Variants in RIMS2 observed in about 807,000 individuals in gnomAD.
RIMS2 encodes the protein regulating synaptic membrane exocytosis 2.
In RIMS2, 59 loss-of-function variants were observed where a neutral mutation model predicts 174.4. The ratio of observed to expected loss-of-function variants is 0.34; its 90% CI spans 0.27 to 0.42. The LOEUF (loss-of-function observed/expected upper bound fraction) is 0.42. RIMS2 is among the 10% of genes least tolerant of loss of function. RIMS2 has a pLI of 1.00. For missense variants in RIMS2, 1,620 were observed against 1,666.3 expected (o/e 0.97, Z 0.48); for synonymous variants, 606 against 572.5 (o/e 1.06, Z -0.84).
chr8:103,825,285 G>A (rs1362644444), intron 3 of RIMS2, among the ~76,000 whole-genome samples: 1 of 151,534 alleles, frequency 6.6e-6, no homozygotes, highest in African/African-American at 2.4e-5. Flanking sequence ...TTATTTGTTT[G>A]TTTTTATTTT....
Position 103,932,309 on chromosome 8 carries a change from A to G in RIMS2, c.2375+916A>G, listed in dbSNP as rs548519829. ...GTAGAAAGTCAAGGTTGAGTTGGGT[A>G]CCAAAGTGTCACCTGAACAACAATC... On this transcript the variant is annotated intron_variant, in intron 12 of 23. Coordinates refer to ENST00000504942, the Ensembl canonical transcript of RIMS2. Among the ~76,000 whole-genome samples the G allele has an allele frequency of 7.9e-5, 12 of 152,194 alleles. 1 individual carries two copies. The highest frequency in any genetic ancestry group is 1.6e-4 in the Non-Finnish European group (11 of 68,022).
At chr8:103,912,732 C>T (rs1046810859) in intron 6 of RIMS2, among the ~76,000 whole-genome samples, 4 of 151,926 alleles carry the variant, frequency 2.6e-5, no homozygotes, top group African/African-American at 9.7e-5. Context: ...TTATGTTTTA[C>T]AGTAAAATAC....
At chr8:103,517,480 T>C (rs1055295563) in intron 1 of RIMS2, among the ~76,000 whole-genome samples, 3 of 151,258 alleles carry the variant, frequency 2.0e-5, no homozygotes, top group Admixed American at 2.0e-4. Context: ...AGGACTGATA[T>C]TCAATTGACC....
At chr8:104,244,242 C>T (rs967420929) in intron 19 of RIMS2, among the ~76,000 whole-genome samples, 3 of 152,104 alleles carry the variant, frequency 2.0e-5, no homozygotes, top group East Asian at 1.9e-4. Flanking sequence ...CATGACTACC[C>T]GTGAACAAAA....
intron 3 of RIMS2, among the ~76,000 whole-genome samples, chr8:103,794,801 A>C (rs1428981433): frequency 2.0e-5 from 3 of 152,258 alleles, no homozygotes; most frequent in African/African-American, 7.2e-5. Flanking sequence ...CCTCAAAAGA[A>C]GACATTTATG....
At chr8:103,609,387 T>G (rs1427344722) in intron 1 of RIMS2, among the ~76,000 whole-genome samples, 3 of 152,214 alleles carry the variant, frequency 2.0e-5, no homozygotes, top group Non-Finnish European at 4.4e-5. Context: ...AATGTTTGTT[T>G]TTGTTGCAAT....
At chr8:103,974,801 G>T (rs1056549539) in intron 15 of RIMS2, among the ~76,000 whole-genome samples, 4 of 151,898 alleles carry the variant, frequency 2.6e-5, no homozygotes, top group African/African-American at 9.7e-5. Flanking sequence ...GAGGTGGGAG[G>T]GTCATTTGAG....
At chr8:104,068,659 A>T (rs1191408095) in intron 19 of RIMS2, 47 bp downstream of exon 23, 5 of 931,098 alleles carry the variant, frequency 5.4e-6, no homozygotes, top group Non-Finnish European at 8.4e-6. Context: ...CAATCATATG[A>T]AACAGTTAGA....
At chr8:103,779,921 AAAGT>A (rs1352916279) in intron 3 of RIMS2, among the ~76,000 whole-genome samples, 4 of 151,932 alleles carry the variant, frequency 2.6e-5, no homozygotes, top group African/African-American at 9.7e-5. Context: ...AAAAAGAAAG[AAAGT>A]GAGTTGGCTA....
chr8:104,254,514 A>G (rs914827841), downstream of RIMS2: 3 of 152,248 alleles, frequency 2.0e-5, no homozygotes, highest in African/African-American at 7.2e-5. Context: ...TGTCATTTAA[A>G]GAATGAAATC....
intron 1 of RIMS2, among the ~76,000 whole-genome samples, chr8:103,563,996 C>G (rs1042617489): frequency 1.3e-5 from 2 of 152,178 alleles, no homozygotes; most frequent in Non-Finnish European, 2.9e-5. Context: ...GTCCCTCCCA[C>G]AACACATGGG....
At position 103,834,676 on chromosome 8, in the gene RIMS2, T is replaced by TTTTCTTCCTTTCTTTCTTTC. The variant is rs561054687; in HGVS notation, c.699-50616_699-50615insCCTTTCTTTCTTTCTTTCTT. On this transcript the variant is annotated intron_variant, in intron 3 of 23. Transcript: ENST00000504942. Reference sequence around the variant, plus strand: ...TCAAGCCAGCAAGCCTCTGAGGTCTTTTTCTTTCTTTCTTTCTTTCTTTCT... The same window carrying TTTTCTTCCTTTCTTTCTTTC: ...TCAAGCCAGCAAGCCTCTGAGGTCTTTTTCTTCCTTTCTTTCTTTCTTTCTTTCTTTCTTTCTTTCTTTCT... 5.9e-3 allele frequency among the ~76,000 whole-genome samples: 714 copies of TTTTCTTCCTTTCTTTCTTTC among 120,096 alleles called. 15 individuals carry two copies. The highest frequency in any genetic ancestry group is 7.5e-3 in the Non-Finnish European group (426 of 56,812). The allele number at this position is 120,096 out of a possible 152,430, so 78.8% of individuals were successfully genotyped here.
intron 16 of RIMS2, 122 bp from the exon 19 acceptor site, chr8:103,989,183 A>C: frequency 1.5e-6 from 1 of 655,140 alleles, no homozygotes; most frequent in East Asian, 2.6e-5. Context: ...CAATTAATTA[A>C]AACAAAATTT....
At chr8:103,930,711 A>G (rs2079754839) in intron 11 of RIMS2, among the ~76,000 whole-genome samples, 1 of 152,164 alleles carries the variant, frequency 6.6e-6, no homozygotes, top group Admixed American at 6.5e-5. Flanking sequence ...TTAAAGATGA[A>G]TTCATTATCA....
intron 4 of RIMS2, among the ~76,000 whole-genome samples, chr8:103,901,190 A>C (rs1275318855): frequency 6.6e-6 from 1 of 152,140 alleles, no homozygotes; most frequent in Non-Finnish European, 1.5e-5. Flanking sequence ...CCTATCAGTA[A>C]GAGGAAAGCC....
intron 11 of RIMS2, among the ~76,000 whole-genome samples, chr8:103,930,988 T>C (rs2079809419): frequency 6.6e-6 from 1 of 152,122 alleles, no homozygotes; most frequent in Non-Finnish European, 1.5e-5. Context: ...TCCTTAATTA[T>C]GATAATGTAA....
intron 1 of RIMS2, among the ~76,000 whole-genome samples, chr8:103,678,282 G>C (rs2136593187): frequency 6.6e-6 from 1 of 152,208 alleles, no homozygotes; most frequent in Middle Eastern, 3.4e-3. Flanking sequence ...CATTCAGTAA[G>C]TATTGAGAAC....
chr8:103,942,159 G>A (rs1165497642), intron 13 of RIMS2, among the ~76,000 whole-genome samples: 11 of 152,012 alleles, frequency 7.2e-5, no homozygotes, highest in African/African-American at 1.2e-4. Flanking sequence ...TCTACCCTCC[G>A]GTAGGCCCCA....
chr8:103,564,499 C>T (rs550100318), intron 1 of RIMS2, among the ~76,000 whole-genome samples: 2 of 152,248 alleles, frequency 1.3e-5, no homozygotes, highest in Non-Finnish European at 2.9e-5. Context: ...GTCCCAAAAC[C>T]TCAAAAGTAG....
Sources: gnomAD v4.1 joint callset for allele counts (sites outside exome capture counted in the v4.1 genomes callset) on GRCh38, gnomAD v4.1.1 for gene constraint, MANE v1.5 for transcripts, NCBI Gene and HGNC (gene_info 2026-07-23, HGNC 2026-07-21) for gene names.